The following ZNF106 variants were observed in gnomAD, a reference collection of about 807,000 sequenced individuals.
The protein encoded by ZNF106 is SH3-domain binding protein 3.
In ZNF106, 67 loss-of-function variants were observed where a neutral mutation model predicts 195.1. That is an observed-to-expected ratio of 0.34 (90% CI 0.28 to 0.42). The LOEUF is 0.42. Among genes scored for constraint, ZNF106 ranks in the 10% least tolerant of loss-of-function variants. ZNF106 has a pLI of 1.00. For missense variants in ZNF106, 2,118 were observed against 2,304.5 expected (o/e 0.92, Z 1.66); for synonymous variants, 784 against 818.6 (o/e 0.96, Z 0.72).
chr15:42,453,016 T>C (rs1236983503), intron 4 of ZNF106, among the ~76,000 whole-genome samples: 1 of 152,094 alleles, frequency 6.6e-6, no homozygotes, highest in Non-Finnish European at 1.5e-5. Context: ...TTAGTACAAT[T>C]TTATGTTCAG....
At chr15:42,487,921 C>A (rs1017559045) in intron 1 of ZNF106, among the ~76,000 whole-genome samples, 1 of 152,126 alleles carries the variant, frequency 6.6e-6, no homozygotes, top group Non-Finnish European at 1.5e-5. Flanking sequence ...GTTCCAGGAT[C>A]CCCCTCAATA....
In ZNF106 at chr15:42,414,997, A is replaced by G. The variant is rs1361427614; in HGVS notation, c.*2307T>C. The G allele has an allele frequency of 2.0e-5, 3 of 152,864 alleles. No homozygotes were observed. The allele number at this position is 152,864 out of a possible 1,614,324, so 9.5% of individuals were successfully genotyped here. On this transcript the variant is annotated 3_prime_UTR_variant, in exon 22 of 22. Transcript: ENST00000564754. ...TGCAACAAGATCTTCTCTGTTCTCCATTAAGCATCATGTAAATCTCACTAG... is the reference window on the plus strand; with the variant it reads ...TGCAACAAGATCTTCTCTGTTCTCCGTTAAGCATCATGTAAATCTCACTAG...
intron 13 of ZNF106, among the ~76,000 whole-genome samples, chr15:42,436,561 C>T (rs915908305): frequency 1.3e-5 from 2 of 152,138 alleles, no homozygotes; most frequent in Admixed American, 1.3e-4. Flanking sequence ...TTCATTCAGA[C>T]ATCATGTTCT....
At chr15:42,488,083 T>C (rs1420165103) in intron 1 of ZNF106, among the ~76,000 whole-genome samples, 2 of 152,194 alleles carry the variant, frequency 1.3e-5, no homozygotes, top group Non-Finnish European at 2.9e-5. Context: ...GTGGATGCAA[T>C]GTAGTATGTA....
chr15:42,478,524 T>C (rs1230440006), intron 1 of ZNF106, among the ~76,000 whole-genome samples: 1 of 135,938 alleles, frequency 7.4e-6, no homozygotes, highest in African/African-American at 3.1e-5. Flanking sequence ...TTTTTTTTTT[T>C]TTTTTTTTTG....
rs532246178 is a variant in ZNF106, at chr15:42,452,513, ACT to A, written c.318-561_318-560del. Reference sequence around the variant, plus strand: ...ACTCCAGCCTGGGTAACACAGTGAGACTCTCTCAAAAAAACAAACAAAAATTT... The same window carrying A: ...ACTCCAGCCTGGGTAACACAGTGAGACTCTCAAAAAAACAAACAAAAATTT... On this transcript the variant is annotated intron_variant, in intron 4 of 21. Transcript: ENST00000564754. 1.9e-3 allele frequency among the ~76,000 whole-genome samples: 293 copies of A among 151,152 alleles called. 1 individual carries two copies. Among genetic ancestry groups the A allele is most frequent in the African/African-American group, 6.8e-3 (281 of 41,106 alleles).
intron 6 of ZNF106, among the ~76,000 whole-genome samples, chr15:42,447,037 C>A (rs976318397): frequency 5.9e-5 from 9 of 152,178 alleles, no homozygotes; most frequent in African/African-American, 2.2e-4. Context: ...AAAACCTTTA[C>A]AACAAAAAGC....
At position 42,417,876 on chromosome 15, in the gene ZNF106, T is replaced by G. The variant is rs755161298; in HGVS notation, c.5593A>C (p.Asn1865His). The G allele has an allele frequency of 3.1e-6, 5 of 1,614,074 alleles. No homozygotes were observed. Among genetic ancestry groups the G allele is most frequent in the Non-Finnish European group, 4.2e-6 (5 of 1,179,976 alleles). The part of the protein sequence containing the change: ...QHLLTDHTNP[N>H]FQTLKCRWKN... Reference sequence around the variant, plus strand: ...CAGCGACATTTCAGAGTCTGGAAGTTGGGATTAGTGTGGTCGGTCAGCAAG... The same window carrying G: ...CAGCGACATTTCAGAGTCTGGAAGTGGGGATTAGTGTGGTCGGTCAGCAAG... The change falls in exon 21 of 22, where the codon AAC becomes CAC. Residue 1865 changes from asparagine to histidine, a missense_variant. Physicochemically the swap from Asn to His is moderately conservative, Grantham distance 68. Transcript: ENST00000564754.
intron 2 of ZNF106, among the ~76,000 whole-genome samples, chr15:42,466,905 T>G (rs2056530964): frequency 6.6e-6 from 1 of 151,730 alleles, no homozygotes; most frequent in African/African-American, 2.4e-5. Context: ...GAGGCCGAGG[T>G]GGGCAGATCA....
At chr15:42,465,957 G>T in intron 3 of ZNF106, 96 bp downstream of exon 3, 2 of 974,122 alleles carry the variant, frequency 2.1e-6, no homozygotes, top group Non-Finnish European at 3.0e-6. Context: ...GACAACATTT[G>T]CTTTTGACGG....
chr15:42,462,217 GTGGA>G (rs1440027471), intron 3 of ZNF106, among the ~76,000 whole-genome samples: 3 of 152,254 alleles, frequency 2.0e-5, no homozygotes, highest in Admixed American at 1.3e-4. Flanking sequence ...AGTTGCATGG[GTGGA>G]AAAGAACACA....
At chr15:42,456,546 G>A (rs374054299) in intron 4 of ZNF106, among the ~76,000 whole-genome samples, 2 of 152,070 alleles carry the variant, frequency 1.3e-5, no homozygotes, top group East Asian at 1.9e-4. Context: ...CAGCTACTCA[G>A]GAGGCTGAGG....
At chr15:42,428,339 A>C (rs1252305963) in intron 14 of ZNF106, among the ~76,000 whole-genome samples, 1 of 152,230 alleles carries the variant, frequency 6.6e-6, no homozygotes, top group South Asian at 2.1e-4. Flanking sequence ...TATGAAAAAT[A>C]AACATAAATT....
In ZNF106 at chr15:42,448,608, C is replaced by T; in HGVS notation, c.2599G>A (p.Glu867Lys). 1 of 1,614,108 alleles carries T rather than the reference C, an allele frequency of 6.2e-7. No individual in the cohort carries two copies. The highest frequency in any genetic ancestry group is 1.7e-5 in the Admixed American group (1 of 60,012). ...GGGGACGAGGAAATGGAAACACCTT[C>T]CCACTGGAATCCTTCTAGACTGGAC... ...DLSSLEGFQW[E>K]GVSISSSPGL... Residue 867 changes from glutamate to lysine, a missense_variant, in exon 6 of 22, where the codon GAA becomes AAA. Coordinates refer to ENST00000564754, the MANE Select transcript of ZNF106 (RefSeq NM_001366845.3).
At chr15:42,473,148 G>A (rs190371952) in intron 1 of ZNF106, among the ~76,000 whole-genome samples, 203 of 152,172 alleles carry the variant, frequency 1.3e-3, no homozygotes, top group Middle Eastern at 6.8e-3. Flanking sequence ...GGAAATGCCC[G>A]CTGGAGCAGT....
At chr15:42,420,107 C>T (rs1337971066) in intron 20 of ZNF106, among the ~76,000 whole-genome samples, 2 of 152,180 alleles carry the variant, frequency 1.3e-5, no homozygotes, top group Non-Finnish European at 2.9e-5. Context: ...TCAGTAGTGC[C>T]TCCTTATCCA....
chr15:42,472,133 CCTATTAATAACATATGT>C, intron 2 of ZNF106, 86 bp downstream of exon 2: 1 of 1,074,782 alleles, frequency 9.3e-7, no homozygotes, highest in Middle Eastern at 2.9e-4. Flanking sequence ...CAAAGCTTTT[CCTATTAATAACATATGT>C]CTATTAATAT....
chr15:42,480,713 G>A (rs1426480542), intron 1 of ZNF106, among the ~76,000 whole-genome samples: 1 of 152,130 alleles, frequency 6.6e-6, no homozygotes, highest in Non-Finnish European at 1.5e-5. Context: ...GGCCGGGCTT[G>A]GTGGCTCACG....
At position 42,430,258 on chromosome 15, in the gene ZNF106, G is replaced by T. The variant is rs977342861; in HGVS notation, c.4882-2124C>A. On this transcript the variant is annotated intron_variant, in intron 14 of 21. Transcript: ENST00000564754. ...TTTTGCTAATATTGTGAGTAAAAAT[G>T]GTATTCCTTGTACTTTGGTTTTAAT... Among the ~76,000 whole-genome samples, 10 of 151,888 alleles carry T rather than the reference G, an allele frequency of 6.6e-5. 1 individual carries two copies. Among genetic ancestry groups the T allele is most frequent in the African/African-American group, 2.4e-4 (10 of 41,218 alleles).
Sources: allele counts gnomAD v4.1 joint callset (sites outside exome capture counted in the v4.1 genomes callset), GRCh38; gene constraint gnomAD v4.1.1; transcripts MANE v1.5; gene names NCBI Gene and HGNC (gene_info 2026-07-23, HGNC 2026-07-21).